The following MAP2K5 variants were observed in gnomAD, a reference collection of about 807,000 sequenced individuals.
MAP2K5 encodes the protein mitogen-activated protein kinase kinase 5, also known as dual specificity mitogen-activated protein kinase kinase 5.
A neutral mutation model predicts 83.1 loss-of-function variants in MAP2K5; 49 were observed. The ratio of observed to expected loss-of-function variants is 0.59; its 90% CI spans 0.47 to 0.75. MAP2K5 has a LOEUF of 0.75. MAP2K5 is among the 30% of genes least tolerant of loss of function. The probability of loss-of-function intolerance (pLI) is 0.00; values close to 1 mark genes in which losing one functional copy is unlikely to be tolerated. For synonymous variants in MAP2K5, 202 were observed against 191.8 expected (o/e 1.05, Z -0.44); for missense variants, 457 against 557.5 (o/e 0.82, Z 1.82).
chr15:67,609,005 T>G (rs2085846284), intron 8 of MAP2K5, among the ~76,000 whole-genome samples: 1 of 152,158 alleles, frequency 6.6e-6, no homozygotes, highest in Admixed American at 6.5e-5. Flanking sequence ...ACACAATGTG[T>G]TGTTCATTGC....
In MAP2K5 at chr15:67,794,309, T is replaced by C. The variant is rs1455930021; in HGVS notation, c.1243-12337T>C. The stretch of plus-strand genomic sequence containing the variant: ...TCTTTGTGTTTTGTTTTAGAAAATA[T>C]TGCTCAAGGCTAAGAGTGAGTTCTA... On this transcript the variant is annotated intron_variant, in intron 21 of 21. Coordinates refer to ENST00000178640, the MANE Select transcript of MAP2K5 (RefSeq NM_145160.3). This position sits in a 1 kb window ranked among gnomAD's most constrained non-coding sequence, Gnocchi z 4.6. Among the ~76,000 whole-genome samples the C allele has an allele frequency of 6.6e-6, 1 of 152,226 alleles. No homozygotes were observed. Among genetic ancestry groups the C allele is most frequent in the Non-Finnish European group, 1.5e-5 (1 of 68,042 alleles).
At chr15:67,772,884 G>T in intron 21 of MAP2K5, 132 bp downstream of exon 21, 1 of 604,084 alleles carries the variant, frequency 1.7e-6, no homozygotes, top group Admixed American at 3.6e-5. Context: ...CTTCATTTGG[G>T]TAGATGTTTT....
intron 19 of MAP2K5, among the ~76,000 whole-genome samples, chr15:67,763,215 A>G (rs1044468098): frequency 2.0e-5 from 3 of 152,132 alleles, no homozygotes; most frequent in African/African-American, 7.2e-5. Flanking sequence ...ACCGAGAAGT[A>G]GGTCAGTTCT....
At chr15:67,681,183 G>C (rs879780683) in intron 13 of MAP2K5, among the ~76,000 whole-genome samples, 9 of 152,194 alleles carry the variant, frequency 5.9e-5, no homozygotes, top group Non-Finnish European at 1.3e-4. Flanking sequence ...AGGAAGATCA[G>C]ATATCAAGAT....
chr15:67,797,234 A>G (rs2090620543), intron 21 of MAP2K5, among the ~76,000 whole-genome samples: 1 of 152,206 alleles, frequency 6.6e-6, no homozygotes, highest in South Asian at 2.1e-4. Context: ...TCATTACTGC[A>G]GTTGTGGCTT....
chr15:67,794,265 A>AAC lies in MAP2K5; in HGVS notation c.1243-12381_1243-12380insAC, dbSNP rs2090567217. ...GAAACCACAGTAAATCAATAACAGA[A>AAC]TAGTTAAATACCACAGGTTCTTTGT... On this transcript the variant is annotated intron_variant, in intron 21 of 21. Transcript: ENST00000178640. The surrounding 1 kb of genome is among the most constrained non-coding windows in gnomAD (Gnocchi z 4.6). Among the ~76,000 whole-genome samples the AAC allele has an allele frequency of 6.6e-6, 1 of 152,254 alleles. No homozygotes were observed.
At position 67,747,577 on chromosome 15, in the gene MAP2K5, G is replaced by A. The variant is rs1239139095; in HGVS notation, c.1075-654G>A. 6.6e-6 allele frequency among the ~76,000 whole-genome samples: 1 copy of A among 152,178 alleles called. No individual in the cohort carries two copies. Among genetic ancestry groups the A allele is most frequent in the Non-Finnish European group, 1.5e-5 (1 of 68,036 alleles). Reference sequence around the variant, plus strand: ...CAGCCTGCCTTCAGAATGTTGATCAGAAATGCGCTCTTACTGGACTCTGCA... The same window carrying A: ...CAGCCTGCCTTCAGAATGTTGATCAAAAATGCGCTCTTACTGGACTCTGCA... On this transcript the variant is annotated intron_variant, in intron 17 of 21. Coordinates refer to ENST00000178640, the MANE Select transcript of MAP2K5 (RefSeq NM_145160.3). The surrounding 1 kb of genome is among the most constrained non-coding windows in gnomAD (Gnocchi z 4.1).
chr15:67,731,773 C>T (rs1371037646), intron 17 of MAP2K5, among the ~76,000 whole-genome samples: 1 of 152,166 alleles, frequency 6.6e-6, no homozygotes, highest in Non-Finnish European at 1.5e-5. Context: ...AGCCAACTCC[C>T]TGGCTCTTTA....
Position 67,559,528 on chromosome 15 carries a change from ACT to A in MAP2K5, c.185-3752_185-3751del, listed in dbSNP as rs2084693457. On this transcript the variant is annotated intron_variant, in intron 2 of 21. Transcript: ENST00000178640. The surrounding 1 kb of genome is among the most constrained non-coding windows in gnomAD (Gnocchi z 4.7). ...GCCTGTTATGATTCTCTTTTCCCAA[ACT>A]CTGCCATTTTGTATATTTGTGACAC... 6.6e-6 allele frequency among the ~76,000 whole-genome samples: 1 copy of A among 151,538 alleles called. No individual in the cohort carries two copies. Among genetic ancestry groups the A allele is most frequent in the Admixed American group, 6.6e-5 (1 of 15,230 alleles).
At chr15:67,686,781 T>C (rs2087968873) in intron 13 of MAP2K5, among the ~76,000 whole-genome samples, 1 of 152,108 alleles carries the variant, frequency 6.6e-6, no homozygotes, top group South Asian at 2.1e-4. Flanking sequence ...AGCAAACTTT[T>C]TGGATGAGTT....
At chr15:67,600,591 A>G (rs1036868665) in intron 7 of MAP2K5, 94 bp from the exon 8 acceptor site, 4 of 901,284 alleles carry the variant, frequency 4.4e-6, no homozygotes, top group Non-Finnish European at 7.0e-6. Context: ...GAAATGACCC[A>G]GACTGCTTGT....
chr15:67,595,168 A>G (rs1039719012), intron 7 of MAP2K5, among the ~76,000 whole-genome samples: 4 of 152,220 alleles, frequency 2.6e-5, no homozygotes, highest in African/African-American at 9.6e-5. Context: ...ATAATCAAAT[A>G]TTGACAAGTT....
At chr15:67,763,420 C>T (rs1460748248) in intron 19 of MAP2K5, among the ~76,000 whole-genome samples, 1 of 152,170 alleles carries the variant, frequency 6.6e-6, no homozygotes, top group African/African-American at 2.4e-5. Flanking sequence ...TCATCTCTTT[C>T]CCACCTTTCT....
At chr15:67,800,960 A>C (rs2090695384) in intron 21 of MAP2K5, among the ~76,000 whole-genome samples, 1 of 152,190 alleles carries the variant, frequency 6.6e-6, no homozygotes, top group Admixed American at 6.5e-5. Context: ...ATTCAGTGTA[A>C]CCCTTTGACC....
intron 15 of MAP2K5, among the ~76,000 whole-genome samples, chr15:67,695,096 C>G (rs1325005195): frequency 8.0e-6 from 1 of 125,086 alleles, no homozygotes; most frequent in African/African-American, 3.2e-5. Context: ...ACATCACACT[C>G]TGGGGACTGT....
At chr15:67,731,288 C>G (rs1193626250) in intron 17 of MAP2K5, among the ~76,000 whole-genome samples, 1 of 152,076 alleles carries the variant, frequency 6.6e-6, no homozygotes, top group African/African-American at 2.4e-5. Context: ...ACAGTGTGTA[C>G]CCAGTGAGGT....
rs935115149 is a variant in MAP2K5, at chr15:67,633,551, A to G, written c.585+2624A>G. Among the ~76,000 whole-genome samples the G allele has an allele frequency of 2.6e-5, 4 of 152,252 alleles. 1 individual carries two copies. Among genetic ancestry groups the G allele is most frequent in the Non-Finnish European group, 5.9e-5 (4 of 68,040 alleles). ...GTAAAAGCAATTTTAAAGAAAGGAC[A>G]TATTTACAGAATAGCTGTTAGGAAA... On this transcript the variant is annotated intron_variant, in intron 9 of 21. Transcript: ENST00000178640.
intron 16 of MAP2K5, 63 bp from the exon 17 acceptor site, chr15:67,727,851 CTG>C (rs2089134208): frequency 8.5e-7 from 1 of 1,176,456 alleles, no homozygotes; most frequent in Non-Finnish European, 1.3e-6. Flanking sequence ...TAGTACTTGT[CTG>C]TCTTAAGGAG....
intron 19 of MAP2K5, among the ~76,000 whole-genome samples, chr15:67,754,781 A>C (rs1444209216): frequency 6.6e-6 from 1 of 152,162 alleles, no homozygotes; most frequent in Non-Finnish European, 1.5e-5. Context: ...TGGTTGGCCC[A>C]AAGTGAAGCT....
Sources: gnomAD v4.1 joint callset for allele counts (sites outside exome capture counted in the v4.1 genomes callset) on GRCh38, gnomAD v4.1.1 for gene constraint, Gnocchi (gnomAD v3.1) non-coding constraint, MANE v1.5 for transcripts, NCBI Gene and HGNC (gene_info 2026-07-23, HGNC 2026-07-21) for gene names.